The following LYPLAL1 variants were observed in gnomAD, a reference collection of about 807,000 sequenced individuals.
The protein encoded by LYPLAL1 is lysophospholipase like 1.
In LYPLAL1, 23 loss-of-function variants were observed where a neutral mutation model predicts 19.7. The ratio of observed to expected loss-of-function variants is 1.17; its 90% CI spans 0.84 to 1.65. The LOEUF is 1.65. Among genes scored for constraint, LYPLAL1 ranks in the 40% most tolerant of loss-of-function variants. LYPLAL1 has a pLI of 0.00. For synonymous variants in LYPLAL1, 119 were observed against 96.3 expected, an observed-to-expected ratio of 1.24 and a Z score of -1.38; for missense variants, 355 against 279.4, an observed-to-expected ratio of 1.27 and a Z score of -1.93.
downstream of LYPLAL1, among the ~76,000 whole-genome samples, chr1:219,213,926 A>G (rs1460656459): frequency 6.6e-6 from 1 of 152,096 alleles, no homozygotes. Context: ...TTCTAGTACT[A>G]TGCTGAACAA....
At chr1:219,249,619 G>A in the LYPLAL1 span, among the ~76,000 whole-genome samples, 2 of 151,984 alleles carry the variant, frequency 1.3e-5, no homozygotes, top group African/African-American at 4.8e-5. Flanking sequence ...TTTTCAAAGT[G>A]AATTCTATCA....
the LYPLAL1 span, among the ~76,000 whole-genome samples, chr1:219,442,018 C>T: frequency 6.6e-6 from 1 of 152,128 alleles, no homozygotes; most frequent in Non-Finnish European, 1.5e-5. Context: ...TATTTACCTC[C>T]CTGGGCAAGT....
chr1:219,444,617 A>G, the LYPLAL1 span, among the ~76,000 whole-genome samples: 1 of 152,202 alleles, frequency 6.6e-6, no homozygotes, highest in Non-Finnish European at 1.5e-5. Context: ...TTTATCTCCT[A>G]AAGGGAATAG....
At chr1:219,219,863 G>A in the LYPLAL1 span, among the ~76,000 whole-genome samples, 4 of 152,038 alleles carry the variant, frequency 2.6e-5, no homozygotes, top group African/African-American at 9.7e-5. Context: ...CCTCTGTTGA[G>A]GTATGGCAGG....
At chr1:219,184,841 G>C (rs147348735) in intron 2 of LYPLAL1, among the ~76,000 whole-genome samples, 1 of 151,630 alleles carries the variant, frequency 6.6e-6, no homozygotes, top group Non-Finnish European at 1.5e-5. Flanking sequence ...CTAATACTTT[G>C]GTAAAGAATT....
the LYPLAL1 span, among the ~76,000 whole-genome samples, chr1:219,443,005 G>T: frequency 6.6e-6 from 1 of 151,812 alleles, no homozygotes; most frequent in Non-Finnish European, 1.5e-5. Context: ...TATCCTGTCT[G>T]CAGAAAAGCC....
intron 2 of LYPLAL1, among the ~76,000 whole-genome samples, chr1:219,182,291 T>C (rs1383534932): frequency 1.3e-5 from 2 of 152,300 alleles, no homozygotes; most frequent in East Asian, 3.9e-4. Flanking sequence ...ATTCATGGTG[T>C]ACTTTGCTGT....
the LYPLAL1 span, among the ~76,000 whole-genome samples, chr1:219,298,468 A>G: frequency 3.3e-5 from 5 of 152,192 alleles, no homozygotes; most frequent in Non-Finnish European, 7.3e-5. Flanking sequence ...CCCTCTAGCC[A>G]CTAAGGGAAT....
At chr1:219,350,574 T>C in the LYPLAL1 span, among the ~76,000 whole-genome samples, 8 of 152,310 alleles carry the variant, frequency 5.3e-5, 1 homozygote, top group South Asian at 1.7e-3. Flanking sequence ...TGCCAAAAGA[T>C]AGCAAAGTGT....
At chr1:219,384,319 G>A in the LYPLAL1 span, among the ~76,000 whole-genome samples, 2 of 152,178 alleles carry the variant, frequency 1.3e-5, no homozygotes. Context: ...TTAAAATTCT[G>A]TATTTGCACT....
chr1:219,299,140 C>CTTTT, the LYPLAL1 span, among the ~76,000 whole-genome samples: 2 of 129,494 alleles, frequency 1.5e-5, no homozygotes, highest in African/African-American at 2.9e-5. Flanking sequence ...CCTCCCCCAG[C>CTTTT]TTTTTTTTTT....
chr1:219,417,820 C>T, the LYPLAL1 span, among the ~76,000 whole-genome samples: 1 of 152,246 alleles, frequency 6.6e-6, no homozygotes, highest in South Asian at 2.1e-4. Context: ...CAAGGCATGT[C>T]GGGCAGTCAT....
chr1:219,259,170 G>T, the LYPLAL1 span, among the ~76,000 whole-genome samples: 1 of 152,008 alleles, frequency 6.6e-6, no homozygotes, highest in Admixed American at 6.6e-5. Flanking sequence ...TGGTGGAAAT[G>T]TAAACTAGTA....
chr1:219,387,771 C>T, the LYPLAL1 span, among the ~76,000 whole-genome samples: 1 of 152,164 alleles, frequency 6.6e-6, no homozygotes, highest in Non-Finnish European at 1.5e-5. Flanking sequence ...TTTTAAATGA[C>T]ATTCCCACTC....
the LYPLAL1 span, among the ~76,000 whole-genome samples, chr1:219,366,630 G>A: frequency 1.3e-5 from 2 of 152,186 alleles, no homozygotes; most frequent in Admixed American, 6.5e-5. Flanking sequence ...CTTTAGCTGT[G>A]AAAACGTACA....
chr1:219,375,671 A>G, the LYPLAL1 span, among the ~76,000 whole-genome samples: 2 of 152,066 alleles, frequency 1.3e-5, no homozygotes, highest in African/African-American at 4.8e-5. Context: ...TGGAATCTAA[A>G]GCATCCCAAA....
chr1:219,370,217 G>T, the LYPLAL1 span, among the ~76,000 whole-genome samples: 13 of 152,232 alleles, frequency 8.5e-5, no homozygotes, highest in African/African-American at 2.9e-4. Flanking sequence ...CTGATTCTCC[G>T]ATCTGAGAAG....
the LYPLAL1 span, among the ~76,000 whole-genome samples, chr1:219,351,805 A>G: frequency 6.6e-6 from 1 of 152,222 alleles, no homozygotes; most frequent in Admixed American, 6.5e-5. Flanking sequence ...TAAACCATAG[A>G]CACTTCACCT....
At chr1:219,358,226 T>C in the LYPLAL1 span, among the ~76,000 whole-genome samples, 26 of 152,278 alleles carry the variant, frequency 1.7e-4, no homozygotes, top group African/African-American at 4.6e-4. Flanking sequence ...CTAACTATAT[T>C]ACAAAATATG....
Sources: allele counts gnomAD v4.1 joint callset (sites outside exome capture counted in the v4.1 genomes callset), GRCh38; gene constraint gnomAD v4.1.1; transcripts MANE v1.5; gene names NCBI Gene and HGNC (gene_info 2026-07-23, HGNC 2026-07-21).